The following ENTPD4 variants were observed in gnomAD, a reference collection of about 807,000 sequenced individuals.
ENTPD4 encodes Golgi UDPase.
In ENTPD4, 60 loss-of-function variants were observed where a neutral mutation model predicts 79.1. That is an observed-to-expected ratio of 0.76 (90% CI 0.62 to 0.94). The LOEUF is 0.94. Among genes scored for constraint, ENTPD4 ranks in the 40% least tolerant of loss-of-function variants. ENTPD4 has a pLI of 0.00. For missense variants in ENTPD4, 772 were observed against 775.1 expected (o/e 1.00, Z 0.05); for synonymous variants, 276 against 292.0 (o/e 0.95, Z 0.56).
intron 1 of ENTPD4, among the ~76,000 whole-genome samples, chr8:23,456,968 G>T (rs1045296868): frequency 3.3e-5 from 5 of 152,176 alleles, no homozygotes; most frequent in Admixed American, 6.5e-5. Context: ...TCATCTAACT[G>T]GGGTCTGAAG....
At chr8:23,455,520 A>T in intron 1 of ENTPD4, among the ~76,000 whole-genome samples, 1 of 152,248 alleles carries the variant, frequency 6.6e-6, no homozygotes, top group Non-Finnish European at 1.5e-5. Flanking sequence ...TCATTCTTTA[A>T]GAAGATATGT....
At position 23,437,145 on chromosome 8, in the gene ENTPD4, C is replaced by T; in HGVS notation, c.1163G>A (p.Gly388Glu). ...QQNGQTIYLR[G>E]TGDFDLCRET... Reference sequence around the variant, plus strand: ...TCGACACAGGTCAAAGTCTCCAGTCCCTCGTAGGTATATGGTTTGTCCATT... The same window carrying T: ...TCGACACAGGTCAAAGTCTCCAGTCTCTCGTAGGTATATGGTTTGTCCATT... Residue 388 changes from glycine to glutamate, a missense_variant, in exon 10 of 13, where the codon GGG becomes GAG. Transcript: ENST00000358689. 1 of 1,614,062 alleles carries T rather than the reference C, an allele frequency of 6.2e-7. No homozygotes were observed. The highest frequency in any genetic ancestry group is 8.5e-7 in the Non-Finnish European group (1 of 1,179,990).
chr8:23,456,902 G>C (rs1800968563), intron 1 of ENTPD4, among the ~76,000 whole-genome samples: 1 of 152,130 alleles, frequency 6.6e-6, no homozygotes, highest in African/African-American at 2.4e-5. Flanking sequence ...AATCATAAAG[G>C]ATCTCTTTAG....
intron 1 of ENTPD4, among the ~76,000 whole-genome samples, chr8:23,450,957 G>A (rs1017733278): frequency 1.6e-4 from 25 of 151,926 alleles, no homozygotes; most frequent in African/African-American, 4.8e-4. Context: ...TACACAAATC[G>A]GAAACCAGAT....
intron 4 of ENTPD4, among the ~76,000 whole-genome samples, chr8:23,446,798 A>C (rs1475840317): frequency 6.6e-6 from 1 of 152,166 alleles, no homozygotes; most frequent in African/African-American, 2.4e-5. Flanking sequence ...TGTTAAACTG[A>C]ATATTCTTTT....
intron 1 of ENTPD4, among the ~76,000 whole-genome samples, chr8:23,453,823 T>G (rs1800906877): frequency 6.6e-6 from 1 of 152,168 alleles, no homozygotes; most frequent in African/African-American, 2.4e-5. Flanking sequence ...CACTAAAAAA[T>G]CTATAGGATG....
At chr8:23,435,246 T>A (rs1800535411) in intron 11 of ENTPD4, 146 bp downstream of exon 11, 3 of 616,034 alleles carry the variant, frequency 4.9e-6, no homozygotes, top group Non-Finnish European at 5.8e-6. Context: ...CACAAGTATT[T>A]GTCCCGTTTG....
chr8:23,434,698 T>C, intron 11 of ENTPD4: 2 of 1,385,410 alleles, frequency 1.4e-6, no homozygotes, highest in Admixed American at 3.0e-5. Flanking sequence ...AATCAATCAG[T>C]GCATGAACCC....
chr8:23,444,609 A>G lies in ENTPD4; in HGVS notation c.413-3T>C. On this transcript the variant is annotated splice_polypyrimidine_tract_variant and splice_region_variant and intron_variant, in intron 4 of 12. Coordinates refer to ENST00000358689, the MANE Select transcript of ENTPD4 (RefSeq NM_004901.5). ...AGAGGTAGCAAATTCTGAAATGCCT[A>G]GAGAAACAGGATACTTTAGTTAAGA... 1 of 1,613,612 alleles carries G rather than the reference A, an allele frequency of 6.2e-7. No homozygotes were observed. Among genetic ancestry groups the G allele is most frequent in the African/African-American group, 1.3e-5 (1 of 75,062 alleles).
In ENTPD4 at chr8:23,439,921, G is replaced by T. The variant is rs769976568; in HGVS notation, c.883-6C>A. 6.2e-7 allele frequency: 1 copy of T among 1,613,210 alleles called. No individual in the cohort carries two copies. The highest frequency in any genetic ancestry group is 2.2e-5 in the East Asian group (1 of 44,874). ...AAGTTTTTAGCTACTTCTTCCTGCA[G>T]ACATAAGCATAACAAACCTTAATAG... On this transcript the variant is annotated splice_polypyrimidine_tract_variant and splice_region_variant and intron_variant, in intron 8 of 12. Transcript: ENST00000358689.
In ENTPD4 at chr8:23,432,212, G is replaced by GA. The variant is rs147840534; in HGVS notation, c.*713dup. 69,774 of 984,842 alleles carry GA rather than the reference G, an allele frequency of 0.071. 3,214 individuals are homozygous for GA. The highest frequency in any genetic ancestry group is 0.28 in the East Asian group (2,424 of 8,798). The allele number at this position is 984,842 out of a possible 1,614,324, so 61.0% of individuals were successfully genotyped here. A position where few individuals can be genotyped will look rare whatever the true frequency, so the allele number is the denominator to read the frequency against. The stretch of plus-strand genomic sequence containing the variant: ...TTCAGGTTAGAGCTTTCAAGATAGA[G>GA]AAAAAAGAGGATTATCATTTCAGGC... On this transcript the variant is annotated 3_prime_UTR_variant, in exon 13 of 13. Transcript: ENST00000358689.
Position 23,431,993 on chromosome 8 carries a change from C to T in ENTPD4, c.*933G>A, listed in dbSNP as rs540260746. 2.5e-5 allele frequency: 25 copies of T among 985,284 alleles called. No individual in the cohort carries two copies. The highest frequency in any genetic ancestry group is 2.3e-4 in the East Asian group (2 of 8,814). The allele number at this position is 985,284 out of a possible 1,614,324, so 61.0% of individuals were successfully genotyped here. A position where few individuals can be genotyped will look rare whatever the true frequency, so the allele number is the denominator to read the frequency against. On this transcript the variant is annotated 3_prime_UTR_variant, in exon 13 of 13. Coordinates refer to ENST00000358689, the MANE Select transcript of ENTPD4 (RefSeq NM_004901.5). Reference sequence around the variant, plus strand: ...AAAGAACCAGCATTGCCTCCCCTCACGCTGGTTTCTTGGGATTTTTCACAC... The same window carrying T: ...AAAGAACCAGCATTGCCTCCCCTCATGCTGGTTTCTTGGGATTTTTCACAC...
At chr8:23,456,492 T>C (rs184791762) in intron 1 of ENTPD4, among the ~76,000 whole-genome samples, 3 of 152,332 alleles carry the variant, frequency 2.0e-5, no homozygotes, top group South Asian at 2.1e-4. Context: ...CTTAGATAAA[T>C]GTTCATTTTT....
rs186982734 is a variant in ENTPD4, at chr8:23,434,633, T to C, written c.1461-155A>G. 5.0e-5 allele frequency: 73 copies of C among 1,447,966 alleles called. No homozygotes were observed. The African/African-American group carries it at 9.6e-4, about 19-fold the overall frequency. 89.7% of individuals were successfully genotyped at this position (1,447,966 alleles called of 1,614,324 possible). A position where few individuals can be genotyped will look rare whatever the true frequency, so the allele number is the denominator to read the frequency against. ...CAAACCAACTGCGCGCGTTTCAAGG[T>C]TGATGTACTTGCTTCACATCCCTGG... On this transcript the variant is annotated intron_variant, in intron 11 of 12. Transcript: ENST00000358689.
At chr8:23,434,142 G>A in intron 12 of ENTPD4, 175 bp downstream of exon 12, 1 of 720,882 alleles carries the variant, frequency 1.4e-6, no homozygotes, top group Non-Finnish European at 2.3e-6. Flanking sequence ...TGAGAAGGGA[G>A]GAAGCACTTG....
rs544765869 is a variant in ENTPD4 at position 23,430,849 on chromosome 8, T to A, written c.*2077A>T. 2.1e-5 allele frequency: 21 copies of A among 985,406 alleles called. No homozygotes were observed. The African/African-American group carries it at 3.1e-4, about 15-fold the overall frequency. The allele number at this position is 985,406 out of a possible 1,614,324, so 61.0% of individuals were successfully genotyped here. On this transcript the variant is annotated 3_prime_UTR_variant, in exon 13 of 13. Coordinates refer to ENST00000358689, the MANE Select transcript of ENTPD4 (RefSeq NM_004901.5). ...AGCTCCCTGCAGCCTCCACCAATAATCCATGGCTCCTCCAGGAAGTGTCGC... is the reference window on the plus strand; with the variant it reads ...AGCTCCCTGCAGCCTCCACCAATAAACCATGGCTCCTCCAGGAAGTGTCGC...
chr8:23,431,823 A>C lies in ENTPD4; in HGVS notation c.*1103T>G. The C allele has an allele frequency of 1.0e-6, 1 of 985,464 alleles. No individual in the cohort carries two copies. The highest frequency in any genetic ancestry group is 1.2e-6 in the Non-Finnish European group (1 of 829,938). 61.0% of individuals were successfully genotyped at this position (985,464 alleles called of 1,614,324 possible). On this transcript the variant is annotated 3_prime_UTR_variant, in exon 13 of 13. Coordinates refer to ENST00000358689, the MANE Select transcript of ENTPD4 (RefSeq NM_004901.5). ...AAAACCGAAACTGGTGAAACTAGGA[A>C]TTTCCAATTCTTTCAAAACCACAGT...
At chr8:23,441,744 T>C (rs1266777691) in intron 7 of ENTPD4, 21 bp from the exon 8 acceptor site, 12 of 1,612,464 alleles carry the variant, frequency 7.4e-6, no homozygotes, top group Non-Finnish European at 1.0e-5. Flanking sequence ...CAGAAAGTGT[T>C]CACTGGAACA....
chr8:23,448,011 A>G, intron 3 of ENTPD4, 126 bp from the exon 4 acceptor site: 3 of 687,632 alleles, frequency 4.4e-6, no homozygotes, highest in South Asian at 1.8e-5. Flanking sequence ...TATAACATCA[A>G]TACAACTGTT....
Sources: allele counts gnomAD v4.1 joint callset (sites outside exome capture counted in the v4.1 genomes callset), GRCh38; gene constraint gnomAD v4.1.1; transcripts MANE v1.5; gene names NCBI Gene and HGNC (gene_info 2026-07-23, HGNC 2026-07-21).